Variants in KMT2C observed in about 807,000 individuals in gnomAD.
KMT2C encodes the protein lysine methyltransferase 2C, also known as histone-lysine N-methyltransferase 2C.
KMT2C carries 88 observed loss-of-function variants against 507.9 expected under a neutral mutation model. The observed-to-expected ratio is 0.17, with a 90% CI of 0.15 to 0.21. The LOEUF (loss-of-function observed/expected upper bound fraction) is 0.21. Ranked by LOEUF, KMT2C falls within the 10% of genes least tolerant of loss-of-function variation. The pLI, the probability that KMT2C is intolerant of heterozygous loss-of-function variation, is 1.00. For synonymous variants in KMT2C, 2,049 were observed against 2,080.8 expected (o/e 0.98, Z 0.42); for missense variants, 4,954 against 5,957.8 (o/e 0.83, Z 5.55).
chr7:152,239,039 A>C (rs1402491209), intron 14 of KMT2C: 7 of 418,858 alleles, frequency 1.7e-5, no homozygotes, highest in Non-Finnish European at 4.3e-6. Context: ...ATTTACATTA[A>C]ATATTTTATT....
At chr7:152,324,813 A>G (rs2096810740) in intron 3 of KMT2C, among the ~76,000 whole-genome samples, 1 of 152,012 alleles carries the variant, frequency 6.6e-6, no homozygotes, top group African/African-American at 2.4e-5. Flanking sequence ...CAAAACTAGG[A>G]CATTACAATA....
At chr7:152,376,011 C>T (rs968049144) in intron 1 of KMT2C, among the ~76,000 whole-genome samples, 1 of 152,018 alleles carries the variant, frequency 6.6e-6, no homozygotes, top group Non-Finnish European at 1.5e-5. Context: ...TGGGGTGTCA[C>T]CATGTTGCTC....
intron 3 of KMT2C, among the ~76,000 whole-genome samples, chr7:152,325,419 A>G (rs2096818786): frequency 6.6e-6 from 1 of 150,644 alleles, no homozygotes; most frequent in Admixed American, 6.6e-5. Flanking sequence ...AAGGGCTGGG[A>G]TTACAGGCAT....
At position 152,263,118 on chromosome 7, in the gene KMT2C, T is replaced by C; in HGVS notation, c.1197A>G (p.Glu399=). Residue 399 remains glutamate (E), a synonymous_variant, in exon 9 of 59, where the codon GAA becomes GAG. Coordinates refer to ENST00000262189, the MANE Select transcript of KMT2C (RefSeq NM_170606.3). The part of the protein sequence containing the change: ...KVCQNCKQSG[E]DSKMLVCDTC... ...TATCACACACTAGCATCTTGCTATC[T>C]TCTCCCGATTGTCTAAAAAATAAGA... 6.2e-7 allele frequency: 1 copy of C among 1,609,274 alleles called. No individual in the cohort carries two copies. Among genetic ancestry groups the C allele is most frequent in the Non-Finnish European group, 8.5e-7 (1 of 1,179,024 alleles).
chr7:152,276,249 T>C (rs2096077215), intron 6 of KMT2C, among the ~76,000 whole-genome samples: 1 of 152,220 alleles, frequency 6.6e-6, no homozygotes, highest in Non-Finnish European at 1.5e-5. Flanking sequence ...GTCTGGAATG[T>C]ATCTTCCTAA....
rs572340579 is a variant in KMT2C at position 152,343,327 on chromosome 7, G to A, written c.251-12588C>T. ...GATAGAGATTTTTTTAAAACTAACA[G>A]AAATGATGAATGCTTTTAGTGGGTC... On this transcript the variant is annotated intron_variant, in intron 2 of 58. Coordinates refer to ENST00000262189, the MANE Select transcript of KMT2C (RefSeq NM_170606.3). 1.2e-4 allele frequency among the ~76,000 whole-genome samples: 18 copies of A among 151,444 alleles called. No individual in the cohort carries two copies. In the South Asian group the frequency reaches 3.7e-3, roughly 31 times the overall value.
chr7:152,214,548 T>C (rs563593506), intron 23 of KMT2C, among the ~76,000 whole-genome samples: 1 of 152,356 alleles, frequency 6.6e-6, no homozygotes, highest in South Asian at 2.1e-4. Flanking sequence ...GTCATACTTT[T>C]TTCCCCCTCT....
chr7:152,427,495 G>C (rs755135944), intron 1 of KMT2C, among the ~76,000 whole-genome samples: 1 of 152,072 alleles, frequency 6.6e-6, no homozygotes, highest in Non-Finnish European at 1.5e-5. Flanking sequence ...CCACTTCAGG[G>C]CCCACAGATC....
At chr7:152,390,716 T>C (rs968609067) in intron 1 of KMT2C, among the ~76,000 whole-genome samples, 2 of 152,156 alleles carry the variant, frequency 1.3e-5, no homozygotes, top group Non-Finnish European at 2.9e-5. Flanking sequence ...CAAGTTCATG[T>C]CTTAAATCCC....
chr7:152,270,429 C>T (rs1360868054), intron 7 of KMT2C, among the ~76,000 whole-genome samples: 8 of 152,122 alleles, frequency 5.3e-5, no homozygotes, highest in African/African-American at 1.9e-4. Context: ...ATGTTTAAAC[C>T]TTGCAAAGAC....
At chr7:152,367,742 C>G (rs963921009) in intron 1 of KMT2C, 4 of 1,113,826 alleles carry the variant, frequency 3.6e-6, no homozygotes, top group Non-Finnish European at 5.5e-6. Context: ...AGCCTCTTAT[C>G]GATTACATTG....
chr7:152,307,719 G>A (rs916154105), intron 6 of KMT2C, among the ~76,000 whole-genome samples: 1 of 152,118 alleles, frequency 6.6e-6, no homozygotes, highest in African/African-American at 2.4e-5. Flanking sequence ...GAACAAAAAT[G>A]GTAACTTCTG....
At chr7:152,360,671 T>TA (rs901840846) in intron 1 of KMT2C, among the ~76,000 whole-genome samples, 36 of 150,888 alleles carry the variant, frequency 2.4e-4, no homozygotes, top group Non-Finnish European at 3.1e-4. Flanking sequence ...CCGTCACTAC[T>TA]AAAAAAAATA....
chr7:152,259,303 G>A lies in KMT2C; in HGVS notation c.1299+3713C>T, dbSNP rs183440845. ...TTGATGTAAGTTTAGGAAGTTGATAGCAGGATTGTGATTTTTTAAGAATAT... is the reference window on the plus strand; with the variant it reads ...TTGATGTAAGTTTAGGAAGTTGATAACAGGATTGTGATTTTTTAAGAATAT... On this transcript the variant is annotated intron_variant, in intron 9 of 58. Coordinates refer to ENST00000262189, the MANE Select transcript of KMT2C (RefSeq NM_170606.3). 3.4e-3 allele frequency among the ~76,000 whole-genome samples: 513 copies of A among 152,192 alleles called. 2 individuals are homozygous for A. Among genetic ancestry groups the A allele is most frequent in the Non-Finnish European group, 5.5e-3 (376 of 68,010 alleles).
At chr7:152,172,230 C>G (rs2092994908) in intron 39 of KMT2C, among the ~76,000 whole-genome samples, 1 of 152,220 alleles carries the variant, frequency 6.6e-6, no homozygotes, top group Non-Finnish European at 1.5e-5. Flanking sequence ...ATCATCCTAA[C>G]TCAACATATC....
intron 1 of KMT2C, among the ~76,000 whole-genome samples, chr7:152,386,081 C>G (rs1400695891): frequency 6.8e-6 from 1 of 146,450 alleles, no homozygotes; most frequent in East Asian, 2.0e-4. Flanking sequence ...AATGAGACTC[C>G]GTCAAAAAAA....
At chr7:152,328,190 C>T (rs555532029) in intron 3 of KMT2C, among the ~76,000 whole-genome samples, 1 of 152,248 alleles carries the variant, frequency 6.6e-6, no homozygotes, top group South Asian at 2.1e-4. Context: ...TCTTTTCCAT[C>T]CTACTCCTTT....
chr7:152,267,650 A>G (rs556932859), intron 7 of KMT2C, among the ~76,000 whole-genome samples: 1 of 152,330 alleles, frequency 6.6e-6, no homozygotes, highest in African/African-American at 2.4e-5. Flanking sequence ...GCATCAAATC[A>G]TCTCTACTTA....
chr7:152,350,968 T>C (rs1388616650), intron 2 of KMT2C, among the ~76,000 whole-genome samples: 2 of 152,176 alleles, frequency 1.3e-5, no homozygotes, highest in African/African-American at 4.8e-5. Flanking sequence ...TTTGTTTCTC[T>C]GTTTTTGTTT....
Sources: allele counts gnomAD v4.1 joint callset (sites outside exome capture counted in the v4.1 genomes callset), GRCh38; gene constraint gnomAD v4.1.1; transcripts MANE v1.5; gene names NCBI Gene and HGNC (gene_info 2026-07-23, HGNC 2026-07-21).